The following MEMO1 variants were observed in gnomAD, a reference collection of about 807,000 sequenced individuals.
MEMO1 encodes the protein mediator of cell motility 1.
A neutral mutation model predicts 45.2 loss-of-function variants in MEMO1; 6 were observed. That is an observed-to-expected ratio of 0.13 (90% CI 0.07 to 0.26). MEMO1 has a LOEUF of 0.26. Ranked by LOEUF, MEMO1 falls within the 10% of genes least tolerant of loss-of-function variation. The pLI, the probability that MEMO1 is intolerant of heterozygous loss-of-function variation, is 1.00. For synonymous variants in MEMO1, 78 were observed against 124.3 expected, an observed-to-expected ratio of 0.63 and a Z score of 2.48; for missense variants, 184 against 370.5, an observed-to-expected ratio of 0.50 and a Z score of 4.13.
intron 2 of MEMO1, among the ~76,000 whole-genome samples, chr2:31,962,441 G>A (rs796437378): frequency 2.0e-5 from 3 of 152,092 alleles, no homozygotes; most frequent in South Asian, 2.1e-4. Context: ...TATAAACCAC[G>A]TGTATCCATT....
rs1558514202 is a variant in MEMO1, at chr2:31,933,344, AAAAAATTTATAT to A, written c.144-1221_144-1210del. Among the ~76,000 whole-genome samples the A allele has an allele frequency of 2.0e-3, 70 of 35,400 alleles. 1 individual carries two copies. Among genetic ancestry groups the A allele is most frequent in the African/African-American group, 7.8e-3 (67 of 8,536 alleles). 23.2% of individuals were successfully genotyped at this position (35,400 alleles called of 152,430 possible). A position where few individuals can be genotyped will look rare whatever the true frequency, so the allele number is the denominator to read the frequency against. On this transcript the variant is annotated intron_variant, in intron 3 of 9. Coordinates refer to ENST00000404530, the MANE Select transcript of MEMO1 (RefSeq NM_001301833.4). ...AAAAAAAAAAAAAAAAAAAAAAAAA[AAAAAATTTATAT>A]ATATATATATATATATATATATATA... is the stretch of plus-strand genomic sequence containing the variant.
intron 2 of MEMO1, among the ~76,000 whole-genome samples, chr2:31,980,921 G>A (rs1670561258): frequency 6.6e-6 from 1 of 152,202 alleles, no homozygotes; most frequent in Admixed American, 6.5e-5. Flanking sequence ...AGAGCCAGCA[G>A]CCAATACGGT....
intron 7 of MEMO1, among the ~76,000 whole-genome samples, chr2:31,884,364 C>T (rs900649895): frequency 6.6e-6 from 1 of 151,928 alleles, no homozygotes; most frequent in Non-Finnish European, 1.5e-5. Flanking sequence ...TTTGTATTTC[C>T]TTAATGTTAA....
intron 4 of MEMO1, among the ~76,000 whole-genome samples, chr2:31,928,415 C>T (rs1683432987): frequency 1.3e-5 from 2 of 152,104 alleles, no homozygotes; most frequent in African/African-American, 4.8e-5. Context: ...TGCCTGGTGG[C>T]ATACGCTTGT....
intron 2 of MEMO1, among the ~76,000 whole-genome samples, chr2:31,989,041 T>C (rs2148535608): frequency 6.6e-6 from 1 of 152,022 alleles, no homozygotes; most frequent in South Asian, 2.1e-4. Context: ...ACCCCGTCTC[T>C]ACCAAAAATA....
chr2:31,977,323 T>C (rs137996374), intron 2 of MEMO1, among the ~76,000 whole-genome samples: 191 of 152,306 alleles, frequency 1.3e-3, no homozygotes, highest in Middle Eastern at 3.4e-3. Context: ...TTAGGACTTC[T>C]CATGCTTGAA....
In MEMO1 at chr2:31,920,846, C is replaced by T. The variant is rs149082595; in HGVS notation, c.277G>A (p.Val93Met). The change falls in exon 5 of 10, where the codon GTG becomes ATG. Residue 93 changes from valine (V) to methionine (M), a missense_variant. Coordinates refer to ENST00000404530, the MANE Select transcript of MEMO1 (RefSeq NM_001301833.4). ...VPLSRCALSS[V>M]DIYRTPLYDL... ...TACAGAGGTGTCCTATATATATCCA[C>T]ACTGGAAAGTGCACATCGAGAGAGG... 1.9e-6 allele frequency: 3 copies of T among 1,611,984 alleles called. No individual in the cohort carries two copies. The African/African-American group carries it at 4.0e-5, about 22-fold the overall frequency.
chr2:31,995,291 A>C (rs1314359169), intron 2 of MEMO1, among the ~76,000 whole-genome samples: 2 of 151,938 alleles, frequency 1.3e-5, no homozygotes, highest in Non-Finnish European at 2.9e-5. Flanking sequence ...ATCTCTACTA[A>C]AAATACAAAA....
intron 6 of MEMO1, among the ~76,000 whole-genome samples, chr2:31,907,828 C>T (rs1241169261): frequency 6.7e-6 from 1 of 149,912 alleles, no homozygotes; most frequent in Non-Finnish European, 1.5e-5. Context: ...CACATACACA[C>T]AACTAGTACA....
intron 2 of MEMO1, among the ~76,000 whole-genome samples, chr2:31,981,422 C>T (rs1049743693): frequency 6.6e-6 from 1 of 152,200 alleles, no homozygotes; most frequent in African/African-American, 2.4e-5. Flanking sequence ...AAAACCTAAA[C>T]AATATATTAT....
intron 2 of MEMO1, among the ~76,000 whole-genome samples, chr2:31,978,146 G>GT (rs1670219314): frequency 6.6e-6 from 1 of 152,086 alleles, no homozygotes; most frequent in South Asian, 2.1e-4. Context: ...CAGCACTGTG[G>GT]TAAGTCAAGG....
chr2:31,899,424 A>T (rs775306744), intron 6 of MEMO1, among the ~76,000 whole-genome samples: 1 of 152,244 alleles, frequency 6.6e-6, no homozygotes. Context: ...GACAAAAACA[A>T]GCAATGGGGA....
chr2:32,009,441 G>T (rs1030229522), intron 2 of MEMO1, among the ~76,000 whole-genome samples: 3 of 152,032 alleles, frequency 2.0e-5, no homozygotes, highest in African/African-American at 7.3e-5. Flanking sequence ...TCCCTGAAAG[G>T]CCCTCCTCTG....
chr2:31,968,744 T>G (rs949098958), intron 2 of MEMO1, among the ~76,000 whole-genome samples: 3 of 152,182 alleles, frequency 2.0e-5, no homozygotes, highest in Non-Finnish European at 4.4e-5. Flanking sequence ...CACAATTCAA[T>G]GTCTATTTGT....
intron 2 of MEMO1, among the ~76,000 whole-genome samples, chr2:31,985,825 T>G (rs1244644611): frequency 6.6e-6 from 1 of 152,196 alleles, no homozygotes; most frequent in East Asian, 1.9e-4. Context: ...AAATCTTTAC[T>G]AATAAATATA....
intron 8 of MEMO1, among the ~76,000 whole-genome samples, chr2:31,877,158 C>T (rs925964906): frequency 3.9e-5 from 6 of 152,214 alleles, no homozygotes; most frequent in African/African-American, 1.4e-4. Context: ...CTGACAGGCA[C>T]TAGGATGGGA....
At chr2:31,977,140 A>T (rs1424175918) in intron 2 of MEMO1, among the ~76,000 whole-genome samples, 1 of 152,156 alleles carries the variant, frequency 6.6e-6, no homozygotes, top group African/African-American at 2.4e-5. Flanking sequence ...TTTCAAACAG[A>T]AAGAAGCCAT....
chr2:31,969,528 T>A (rs1268432307), intron 2 of MEMO1, among the ~76,000 whole-genome samples: 1 of 151,582 alleles, frequency 6.6e-6, no homozygotes, highest in Non-Finnish European at 1.5e-5. Context: ...AACAAGTGAC[T>A]TATTTCAGCT....
chr2:31,952,237 C>G (rs1313391429), intron 2 of MEMO1, among the ~76,000 whole-genome samples: 1 of 152,146 alleles, frequency 6.6e-6, no homozygotes, highest in East Asian at 1.9e-4. Flanking sequence ...TCCTTACTAT[C>G]TACTAATTTA....
Sources: gnomAD v4.1 joint callset for allele counts (sites outside exome capture counted in the v4.1 genomes callset) on GRCh38, gnomAD v4.1.1 for gene constraint, MANE v1.5 for transcripts, NCBI Gene and HGNC (gene_info 2026-07-23, HGNC 2026-07-21) for gene names.